ROR1: variants seen among roughly 807,000 people sequenced by gnomAD.
ROR1 encodes the protein inactive tyrosine-protein kinase transmembrane receptor ROR1.
ROR1 carries 19 observed loss-of-function variants against 78.8 expected under a neutral mutation model. That is an observed-to-expected ratio of 0.24 (90% CI 0.17 to 0.35). The LOEUF (loss-of-function observed/expected upper bound fraction) is 0.35. ROR1 is among the 10% of genes least tolerant of loss of function. The pLI is 1.00. For missense variants in ROR1, 917 were observed against 1,177.8 expected (o/e 0.78, Z 3.24); for synonymous variants, 386 against 433.6 (o/e 0.89, Z 1.36).
intron 2 of ROR1, among the ~76,000 whole-genome samples, chr1:64,020,246 C>T (rs1321493243): frequency 6.6e-6 from 1 of 152,072 alleles, no homozygotes; most frequent in Non-Finnish European, 1.5e-5. Flanking sequence ...AGCAACTTGC[C>T]CTACGTCACA....
intron 4 of ROR1, among the ~76,000 whole-genome samples, chr1:64,119,639 A>G (rs927330023): frequency 2.8e-5 from 2 of 70,608 alleles, no homozygotes; most frequent in South Asian, 7.0e-4. Context: ...GCTCCGTCTC[A>G]AAAAAAAAAA....
intron 2 of ROR1, among the ~76,000 whole-genome samples, chr1:64,034,931 C>A (rs562266935): frequency 6.6e-6 from 1 of 152,314 alleles, no homozygotes; most frequent in South Asian, 2.1e-4. Flanking sequence ...CCTACCTTTC[C>A]ATAGACTCTC....
intron 2 of ROR1, among the ~76,000 whole-genome samples, chr1:64,030,414 A>G (rs537997608): frequency 6.6e-6 from 1 of 152,320 alleles, no homozygotes; most frequent in Non-Finnish European, 1.5e-5. Flanking sequence ...ACTCATTGAT[A>G]ATCAGTTGCT....
chr1:64,084,536 A>G (rs1387094246), intron 4 of ROR1, among the ~76,000 whole-genome samples: 1 of 152,240 alleles, frequency 6.6e-6, no homozygotes, highest in African/African-American at 2.4e-5. Flanking sequence ...AAAGGGCAGT[A>G]GCCTGAAAGG....
At chr1:63,846,140 G>GAA (rs1645079743) in intron 1 of ROR1, among the ~76,000 whole-genome samples, 1 of 97,016 alleles carries the variant, frequency 1.0e-5, no homozygotes, top group African/African-American at 3.5e-5. Flanking sequence ...GTGTGTGTGT[G>GAA]TGTGTGTGTG....
chr1:64,169,905 C>T (rs188966467), intron 8 of ROR1, among the ~76,000 whole-genome samples: 37 of 152,342 alleles, frequency 2.4e-4, no homozygotes, highest in African/African-American at 8.4e-4. Flanking sequence ...CCAAAATGAT[C>T]TCCTTTGACT....
chr1:63,890,170 A>C (rs137877448), intron 1 of ROR1, among the ~76,000 whole-genome samples: 1 of 152,084 alleles, frequency 6.6e-6, no homozygotes, highest in Non-Finnish European at 1.5e-5. Context: ...GTAAACATCT[A>C]TCTGCTTTTT....
intron 4 of ROR1, among the ~76,000 whole-genome samples, chr1:64,055,119 A>G (rs1646863878): frequency 6.6e-6 from 1 of 152,196 alleles, no homozygotes; most frequent in Non-Finnish European, 1.5e-5. Flanking sequence ...GGAAATTAGG[A>G]CTTCAAGATA....
At chr1:63,840,267 C>G (rs1252346765) in intron 1 of ROR1, among the ~76,000 whole-genome samples, 1 of 149,408 alleles carries the variant, frequency 6.7e-6, no homozygotes, top group African/African-American at 2.5e-5. Flanking sequence ...AAAAGTCTCT[C>G]TGCTTGTCGT....
chr1:63,998,965 C>A (rs1341742846), intron 1 of ROR1, among the ~76,000 whole-genome samples: 1 of 152,216 alleles, frequency 6.6e-6, no homozygotes, highest in Non-Finnish European at 1.5e-5. Context: ...GCTTCTCTCT[C>A]ATCCTCTCTT....
intron 2 of ROR1, among the ~76,000 whole-genome samples, chr1:64,034,084 G>A (rs1245036319): frequency 1.3e-5 from 2 of 152,126 alleles, no homozygotes; most frequent in African/African-American, 4.8e-5. Context: ...ACTTCTTGAA[G>A]ACTTCTAATT....
intron 1 of ROR1, among the ~76,000 whole-genome samples, chr1:63,929,881 C>G (rs1401538514): frequency 1.3e-5 from 2 of 152,086 alleles, no homozygotes; most frequent in African/African-American, 4.8e-5. Context: ...GAATTCAGAT[C>G]CAGCAATCTG....
chr1:64,068,679 C>T (rs1646977292), intron 4 of ROR1, among the ~76,000 whole-genome samples: 1 of 152,146 alleles, frequency 6.6e-6, no homozygotes, highest in South Asian at 2.1e-4. Flanking sequence ...TATTGTTTTA[C>T]AATTCCACTA....
chr1:64,049,687 A>G lies in ROR1; in HGVS notation c.164-4A>G, dbSNP rs528131375. 1 of 1,611,746 alleles carries G rather than the reference A, an allele frequency of 6.2e-7. No individual in the cohort carries two copies. Among genetic ancestry groups the G allele is most frequent in the South Asian group, 1.1e-5 (1 of 90,986 alleles). On this transcript the variant is annotated splice_polypyrimidine_tract_variant and splice_region_variant and intron_variant, in intron 2 of 8. Transcript: ENST00000371079. ...TCTCACCTGCCTCCTCTCTGTGCTC[A>G]CAGATTCTTACCTGACCCTCGATGA...
chr1:63,928,839 T>C (rs1323787978), intron 1 of ROR1, among the ~76,000 whole-genome samples: 1 of 152,198 alleles, frequency 6.6e-6, no homozygotes, highest in Non-Finnish European at 1.5e-5. Context: ...GTCCTTGGGA[T>C]AACCCTCTAG....
chr1:63,843,785 C>T, intron 1 of ROR1: 1 of 382,474 alleles, frequency 2.6e-6, no homozygotes, highest in South Asian at 2.2e-5. Context: ...CTTCTTTGCA[C>T]CATTAGATCA....
chr1:64,135,797 TTAAG>T (rs1649082855), intron 4 of ROR1, among the ~76,000 whole-genome samples: 1 of 152,228 alleles, frequency 6.6e-6, no homozygotes, highest in Non-Finnish European at 1.5e-5. Context: ...TATTTAAAGG[TTAAG>T]TTTTTAAGAG....
chr1:64,026,456 C>T (rs1218144171), intron 2 of ROR1, among the ~76,000 whole-genome samples: 2 of 152,134 alleles, frequency 1.3e-5, no homozygotes, highest in African/African-American at 4.8e-5. Context: ...CTCAAGTTTT[C>T]CTTTAGTTCT....
intron 5 of ROR1, 138 bp downstream of exon 5, chr1:64,137,634 A>T: frequency 1.4e-6 from 1 of 728,930 alleles, no homozygotes; most frequent in Non-Finnish European, 2.2e-6. Flanking sequence ...AGCATGAGAC[A>T]TGATCTCTGT....
Sources: gnomAD v4.1 joint callset for allele counts (sites outside exome capture counted in the v4.1 genomes callset) on GRCh38, gnomAD v4.1.1 for gene constraint, MANE v1.5 for transcripts, NCBI Gene and HGNC (gene_info 2026-07-23, HGNC 2026-07-21) for gene names.